The following ADAMTSL5 variants were observed in gnomAD, a reference collection of about 807,000 sequenced individuals.
ADAMTSL5 encodes ADAMTS like 5.
A neutral mutation model predicts 51.7 loss-of-function variants in ADAMTSL5; 53 were observed. The ratio of observed to expected loss-of-function variants is 1.03; its 90% CI spans 0.82 to 1.29. ADAMTSL5 has a LOEUF of 1.29. Ranked by LOEUF, ADAMTSL5 falls within the 50% of genes most tolerant of loss-of-function variation. The pLI is 0.00. For synonymous variants in ADAMTSL5, 285 were observed against 278.7 expected (o/e 1.02, Z -0.23); for missense variants, 770 against 676.2 (o/e 1.14, Z -1.54).
In ADAMTSL5 at chr19:1,507,568, C is replaced by T. The variant is rs1285390967; in HGVS notation, c.677G>A (p.Arg226His). 3.1e-6 allele frequency: 5 copies of T among 1,613,426 alleles called. No individual in the cohort carries two copies. In the East Asian group the frequency reaches 8.9e-5, roughly 29 times the overall value. ...ACATCCTAGGATACCCAGGTGGTTG[C>T]GGCTCCTGTGTTCCACGCGGATGTG... ...ARHIRVEHRS[R>H]NHLALMGGDG... is the part of the protein sequence containing the mutation. The change falls in exon 8 of 12, where the codon CGC (arginine) becomes CAC (histidine). Residue 226 changes from arginine to histidine, a missense_variant. Arg to His is a conservative substitution (Grantham distance 29). Coordinates refer to ENST00000330475, the MANE Select transcript of ADAMTSL5 (RefSeq NM_213604.3).
intron 1 of ADAMTSL5, among the ~76,000 whole-genome samples, chr19:1,512,096 G>T (rs562212571): frequency 2.6e-5 from 4 of 152,182 alleles, no homozygotes; most frequent in Non-Finnish European, 5.9e-5. Flanking sequence ...GGGGAAAGAG[G>T]GGGGAAGGGA....
chr19:1,508,296 G>A, intron 6 of ADAMTSL5, 147 bp downstream of exon 6: 1 of 1,260,514 alleles, frequency 7.9e-7, no homozygotes, highest in South Asian at 1.5e-5. Context: ...GGGGGGCTGG[G>A]GGCAGGGCCT....
chr19:1,506,461 G>A lies in ADAMTSL5; in HGVS notation c.1114+129C>T. On this transcript the variant is annotated intron_variant, in intron 11 of 11. Transcript: ENST00000330475. This position sits in a 1 kb window ranked among gnomAD's most constrained non-coding sequence, Gnocchi z 5.6. ...AGTCAGGATCACGTCAGGGATCAAT[G>A]AGGGATTAGGGTCAAGAGGCAAATT... is the stretch of plus-strand genomic sequence containing the variant. 2.1e-6 allele frequency: 3 copies of A among 1,451,528 alleles called. No individual in the cohort carries two copies. The highest frequency in any genetic ancestry group is 2.8e-6 in the Non-Finnish European group (3 of 1,056,600). 89.9% of individuals were successfully genotyped at this position (1,451,528 alleles called of 1,614,324 possible).
intron 9 of ADAMTSL5, 76 bp downstream of exon 9, chr19:1,507,166 T>G: frequency 8.0e-7 from 1 of 1,250,084 alleles, no homozygotes; most frequent in Non-Finnish European, 1.0e-6. Flanking sequence ...TCACCTCCAC[T>G]CCTACCCTCT....
At position 1,506,997 on chromosome 19, in the gene ADAMTSL5, G is replaced by C; in HGVS notation, c.853-69C>G. 3.4e-6 allele frequency: 5 copies of C among 1,450,512 alleles called. No individual in the cohort carries two copies. Among genetic ancestry groups the C allele is most frequent in the Non-Finnish European group, 4.6e-6 (5 of 1,078,488 alleles). The allele number at this position is 1,450,512 out of a possible 1,614,324, so 89.9% of individuals were successfully genotyped here. The stretch of plus-strand genomic sequence containing the variant: ...GGTTGCCTCCTGCCTCTGACCCTAC[G>C]ACCCCAGCCTCCCCACTTTGATCCT... On this transcript the variant is annotated intron_variant, in intron 9 of 11. Transcript: ENST00000330475. This position sits in a 1 kb window ranked among gnomAD's most constrained non-coding sequence, Gnocchi z 5.6.
Position 1,506,360 on chromosome 19 carries a change from G to A in ADAMTSL5, c.1115-44C>T, listed in dbSNP as rs1462889829. On this transcript the variant is annotated intron_variant, in intron 11 of 11. Transcript: ENST00000330475. This position sits in a 1 kb window ranked among gnomAD's most constrained non-coding sequence, Gnocchi z 5.6. Reference sequence around the variant, plus strand: ...AAGCTGGCTGGCTGCTCAACTCTGCGCAAATCTCTACGCCCCCTCCCTTGC... The same window carrying A: ...AAGCTGGCTGGCTGCTCAACTCTGCACAAATCTCTACGCCCCCTCCCTTGC... The A allele has an allele frequency of 1.2e-5, 18 of 1,536,598 alleles. No individual in the cohort carries two copies. Among genetic ancestry groups the A allele is most frequent in the Middle Eastern group, 1.8e-4 (1 of 5,664 alleles).
chr19:1,507,544 C>T lies in ADAMTSL5; in HGVS notation c.688+13G>A, dbSNP rs1165067294. The T allele has an allele frequency of 2.5e-6, 4 of 1,613,158 alleles. No individual in the cohort carries two copies. The highest frequency in any genetic ancestry group is 1.3e-5 in the African/African-American group (1 of 74,926). ...GCCCAGCCGGGTGCCTCTCGCCTCA[C>T]ATCCTAGGATACCCAGGTGGTTGCG... On this transcript the variant is annotated intron_variant, in intron 8 of 11. Coordinates refer to ENST00000330475, the MANE Select transcript of ADAMTSL5 (RefSeq NM_213604.3).
rs760789576 is a variant in ADAMTSL5, at chr19:1,506,213, G to A, written c.1218C>T (p.Arg406=). Reference sequence around the variant, plus strand: ...AGTGGCCTGGCGCCCACACGTACTCGCGTGCCCGCAGTGGCGAGCGGTTCT... The same window carrying A: ...AGTGGCCTGGCGCCCACACGTACTCACGTGCCCGCAGTGGCGAGCGGTTCT... ...VYKNRSPLRA[R]EYVWAPGHCP... is the part of the protein sequence containing the mutation. Residue 406 remains arginine, a synonymous_variant, in exon 12 of 12, where the codon CGC becomes CGT. Transcript: ENST00000330475. This position sits in a 1 kb window ranked among gnomAD's most constrained non-coding sequence, Gnocchi z 5.6. 2.9e-5 allele frequency: 46 copies of A among 1,605,122 alleles called. No individual in the cohort carries two copies. The African/African-American group carries it at 3.6e-4, about 13-fold the overall frequency.
chr19:1,506,316 A>G lies in ADAMTSL5; in HGVS notation c.1115T>C (p.Val372Ala). The G allele has an allele frequency of 6.5e-7, 1 of 1,543,764 alleles. No individual in the cohort carries two copies. The highest frequency in any genetic ancestry group is 8.7e-7 in the Non-Finnish European group (1 of 1,143,168). The change falls in exon 12 of 12, where the codon GTG becomes GCG. Residue 372 changes from valine to alanine, a missense_variant and splice_region_variant. By Grantham distance (64) the Val-to-Ala change is moderately conservative (BLOSUM62 0). Transcript: ENST00000330475. The surrounding 1 kb of genome is among the most constrained non-coding windows in gnomAD (Gnocchi z 5.6). ...GTGGCCCAGCACTCGGGCCTGGAAC[A>G]CTGTTGAGGGGACGTGCTAAGCTGG... Reference protein sequence around the residue: ...RLLHYCGSDFVFQARVLGHHH... With the variant: ...RLLHYCGSDFAFQARVLGHHH...
intron 6 of ADAMTSL5, 56 bp from the exon 7 acceptor site, chr19:1,508,165 GGAAA>G (rs1303289238): frequency 1.4e-6 from 2 of 1,465,256 alleles, no homozygotes; most frequent in African/African-American, 1.2e-4. Flanking sequence ...CAGGACCTGG[GGAAA>G]GGGCAGTGCC....
At chr19:1,512,624 G>A (rs1404490935) in intron 1 of ADAMTSL5, among the ~76,000 whole-genome samples, 1 of 152,140 alleles carries the variant, frequency 6.6e-6, no homozygotes, top group Non-Finnish European at 1.5e-5. Flanking sequence ...AGGTTGCAGT[G>A]AGCCGAGATG....
chr19:1,507,398 CATCAG>C lies in ADAMTSL5; in HGVS notation c.691_695del (p.Leu231GlyfsTer9). On this transcript the variant is annotated frameshift_variant and splice_region_variant, in exon 9 of 12. Transcript: ENST00000330475. LOFTEE classifies it high-confidence loss of function. ...TAAGCACGTAGCGCCCATCGCCCCC[CATCAG>C]TGCTGCAAGGGAACAGTCAGCCCTC... 6.3e-7 allele frequency: 1 copy of C among 1,577,096 alleles called. No individual in the cohort carries two copies. Among genetic ancestry groups the C allele is most frequent in the Non-Finnish European group, 8.6e-7 (1 of 1,160,604 alleles).
At chr19:1,507,065 G>T in intron 9 of ADAMTSL5, 137 bp from the exon 10 acceptor site, 1 of 1,261,314 alleles carries the variant, frequency 7.9e-7, no homozygotes, top group Admixed American at 2.8e-5. Flanking sequence ...GTCCCTAGCT[G>T]ATCCCCTCTG....
rs983208684 is a variant in ADAMTSL5 at position 1,510,440 on chromosome 19, CAG to C, written c.192-14_192-13del. 1.9e-6 allele frequency: 3 copies of C among 1,605,630 alleles called. No homozygotes were observed. Among genetic ancestry groups the C allele is most frequent in the Non-Finnish European group, 2.5e-6 (3 of 1,177,348 alleles). ...CTTCCCCAGGAAGCCTGAAGGGAGA[CAG>C]AGTGTGGCGAGAACCCCCAGGGACC... On this transcript the variant is annotated splice_polypyrimidine_tract_variant and intron_variant, in intron 3 of 11. Transcript: ENST00000330475.
At chr19:1,509,211 T>TGC (rs1913121272) in intron 5 of ADAMTSL5, among the ~76,000 whole-genome samples, 1 of 126,636 alleles carries the variant, frequency 7.9e-6, no homozygotes, top group African/African-American at 3.1e-5. Flanking sequence ...GCCAAGATCA[T>TGC]GCCACTGCAC....
chr19:1,507,096 C>T (rs1912975296), intron 9 of ADAMTSL5, 146 bp downstream of exon 9: 13 of 1,218,180 alleles, frequency 1.1e-5, no homozygotes, highest in East Asian at 2.6e-5. Flanking sequence ...CACCCTCCCC[C>T]CTCTGATGCT....
At position 1,510,611 on chromosome 19, in the gene ADAMTSL5, G is replaced by A. The variant is rs1490640270; in HGVS notation, c.191+28C>T. 10 of 1,514,374 alleles carry A rather than the reference G, an allele frequency of 6.6e-6. No homozygotes were observed. The East Asian group carries it at 2.3e-4, about 34-fold the overall frequency. 93.8% of individuals were successfully genotyped at this position (1,514,374 alleles called of 1,614,324 possible). A position where few individuals can be genotyped will look rare whatever the true frequency, so the allele number is the denominator to read the frequency against. On this transcript the variant is annotated intron_variant, in intron 3 of 11. Transcript: ENST00000330475. ...GGGCTGGGCCGGCGGGGGAGGAGGG[G>A]CAGGGACCCCCTCCGGGCCCCGCTC...
At chr19:1,511,827 A>G (rs1329391099) in intron 1 of ADAMTSL5, 14 of 325,896 alleles carry the variant, frequency 4.3e-5, no homozygotes, top group African/African-American at 8.7e-5. Context: ...GCTCCCAGAC[A>G]GCAGGGAGTC....
chr19:1,508,418 C>T (rs763102610), intron 6 of ADAMTSL5, 25 bp downstream of exon 6: 3 of 1,260,828 alleles, frequency 2.4e-6, no homozygotes, highest in Non-Finnish European at 3.1e-6. Flanking sequence ...GGGCGGGGCT[C>T]GGGCGGGGCC....
Sources: allele counts gnomAD v4.1 joint callset (sites outside exome capture counted in the v4.1 genomes callset), GRCh38; gene constraint gnomAD v4.1.1; non-coding constraint Gnocchi (gnomAD v3.1); transcripts MANE v1.5; gene names NCBI Gene and HGNC (gene_info 2026-07-23, HGNC 2026-07-21).